COL11A1: variants seen among roughly 807,000 people sequenced by gnomAD.
The protein encoded by COL11A1 is collagen alpha-1(XI) chain.
COL11A1 carries 74 observed loss-of-function variants against 265.2 expected under a neutral mutation model. The ratio of observed to expected loss-of-function variants is 0.28; its 90% CI spans 0.23 to 0.34. The LOEUF (loss-of-function observed/expected upper bound fraction) is 0.34, where lower values mean the gene tolerates loss of function less well. COL11A1 is among the 10% of genes least tolerant of loss of function. COL11A1 has a pLI of 1.00. For synonymous variants in COL11A1, 816 were observed against 727.6 expected (o/e 1.12, Z -1.96); for missense variants, 2,165 against 2,263.6 (o/e 0.96, Z 0.88).
At chr1:102,983,229 A>G (rs1367667520) in intron 31 of COL11A1, among the ~76,000 whole-genome samples, 1 of 152,000 alleles carries the variant, frequency 6.6e-6, no homozygotes, top group East Asian at 1.9e-4. Flanking sequence ...CATATTTTTT[A>G]TGCTTAAAAC....
chr1:102,964,640 G>A (rs998295900), intron 38 of COL11A1, among the ~76,000 whole-genome samples: 13 of 151,606 alleles, frequency 8.6e-5, no homozygotes, highest in African/African-American at 2.9e-4. Context: ...GTGTGTGTCC[G>A]TGTGCGCATG....
intron 20 of COL11A1, 122 bp downstream of exon 20, chr1:103,004,322 T>C: frequency 2.8e-6 from 2 of 711,016 alleles, no homozygotes; most frequent in Non-Finnish European, 4.8e-6. Context: ...GGCAATTATC[T>C]GGTTAGCTTA....
chr1:103,036,274 A>T (rs1668358895), intron 4 of COL11A1, among the ~76,000 whole-genome samples: 1 of 148,814 alleles, frequency 6.7e-6, no homozygotes, highest in Non-Finnish European at 1.5e-5. Flanking sequence ...TATACAAATT[A>T]TAATGAATCA....
intron 46 of COL11A1, among the ~76,000 whole-genome samples, chr1:102,924,231 A>C (rs1656321435): frequency 6.6e-6 from 1 of 152,084 alleles, no homozygotes; most frequent in Non-Finnish European, 1.5e-5. Context: ...CAAAAGACAA[A>C]AAAATTCTTT....
chr1:102,909,969 T>G (rs1302540426), intron 54 of COL11A1, among the ~76,000 whole-genome samples: 1 of 152,006 alleles, frequency 6.6e-6, no homozygotes, highest in East Asian at 1.9e-4. Context: ...TAAATATGAC[T>G]GAAAATATTT....
chr1:102,884,717 C>T (rs1258676360), intron 63 of COL11A1: 2 of 152,222 alleles, frequency 1.3e-5, no homozygotes, highest in Non-Finnish European at 2.9e-5. Flanking sequence ...AGGAATCAGG[C>T]GAGAAGAGAT....
chr1:102,974,918 T>C, intron 35 of COL11A1, 35 bp from the exon 36 acceptor site: 2 of 1,522,890 alleles, frequency 1.3e-6, no homozygotes, highest in Non-Finnish European at 1.8e-6. Context: ...AAGTTAACAA[T>C]ATGCCTTAGA....
Position 103,103,219 on chromosome 1 carries a change from T to A in COL11A1, c.106+4854A>T, listed in dbSNP as rs57818724. The stretch of plus-strand genomic sequence containing the variant: ...ACACACAAGTGTGTCATAATGATTA[T>A]CTGACATTAATAAAAGTCATACTAT... On this transcript the variant is annotated intron_variant, in intron 1 of 66. Transcript: ENST00000370096. Among the ~76,000 whole-genome samples the A allele has an allele frequency of 9.2e-3, 1,395 of 152,180 alleles. 12 individuals carry two copies. Among genetic ancestry groups the A allele is most frequent in the African/African-American group, 0.031 (1,304 of 41,570 alleles).
chr1:102,931,868 A>G (rs1027969285), intron 46 of COL11A1, among the ~76,000 whole-genome samples: 8 of 150,632 alleles, frequency 5.3e-5, no homozygotes, highest in African/African-American at 2.0e-4. Flanking sequence ...GTCTCTTTTG[A>G]TCTTTGTTGG....
At chr1:102,917,958 A>T (rs1186994393) in intron 49 of COL11A1, among the ~76,000 whole-genome samples, 2 of 151,664 alleles carry the variant, frequency 1.3e-5, no homozygotes, top group Non-Finnish European at 3.0e-5. Context: ...ATGTAAAATG[A>T]CAATTAGCTA....
At chr1:102,895,474 G>A (rs1441687512) in intron 57 of COL11A1, among the ~76,000 whole-genome samples, 1 of 152,076 alleles carries the variant, frequency 6.6e-6, no homozygotes, top group Non-Finnish European at 1.5e-5. Flanking sequence ...TCTAGAAGGG[G>A]AAAAGAGACC....
chr1:102,929,085 C>G (rs1657027469), intron 46 of COL11A1, among the ~76,000 whole-genome samples: 3 of 146,718 alleles, frequency 2.0e-5, no homozygotes, highest in African/African-American at 7.6e-5. Flanking sequence ...TGCAGAAGCT[C>G]TTTAGTTTAA....
intron 21 of COL11A1, 74 bp from the exon 22 acceptor site, chr1:103,002,865 T>C (rs1013807147): frequency 8.1e-6 from 11 of 1,356,466 alleles, no homozygotes; most frequent in East Asian, 6.9e-5. Flanking sequence ...AAGACTAATC[T>C]AATATCATGA....
chr1:102,929,851 C>T (rs1030926631), intron 46 of COL11A1, among the ~76,000 whole-genome samples: 1 of 152,144 alleles, frequency 6.6e-6, no homozygotes. Context: ...CTCTTTGAAG[C>T]AATTGTGAAT....
rs563052105 is a variant in COL11A1 at position 102,939,966 on chromosome 1, T to C, written c.3384+361A>G. On this transcript the variant is annotated intron_variant, in intron 43 of 66. Transcript: ENST00000370096. ...TAAATATGTAGCTCATTCTTAAGTC[T>C]TATTGTACAATATCCAAGACATGAG... is the stretch of plus-strand genomic sequence containing the variant. Among the ~76,000 whole-genome samples, 5 of 152,260 alleles carry C rather than the reference T, an allele frequency of 3.3e-5. No homozygotes were observed. In the South Asian group the frequency reaches 1.0e-3, roughly 32 times the overall value.
intron 54 of COL11A1, among the ~76,000 whole-genome samples, chr1:102,909,463 G>T (rs1473362442): frequency 6.6e-6 from 1 of 152,016 alleles, no homozygotes; most frequent in Non-Finnish European, 1.5e-5. Flanking sequence ...ACTAAAAAAG[G>T]ATGCTTCATG....
At chr1:103,029,804 C>G (rs1456558991) in intron 5 of COL11A1, among the ~76,000 whole-genome samples, 1 of 151,866 alleles carries the variant, frequency 6.6e-6, no homozygotes, top group African/African-American at 2.4e-5. Context: ...ATACAAATTA[C>G]CTTGATAAAA....
At chr1:102,978,606 G>A (rs1662727726) in intron 35 of COL11A1, 102 bp downstream of exon 35, 5 of 1,230,142 alleles carry the variant, frequency 4.1e-6, no homozygotes, top group Non-Finnish European at 6.0e-6. Flanking sequence ...TTTGTGGATA[G>A]ACATGCACAT....
rs139064549 is a variant in COL11A1, at chr1:102,888,579, G to C, written c.4606C>G (p.Pro1536Ala). The change falls in exon 62 of 67, where the codon CCA (proline) becomes GCA (alanine). Residue 1536 changes from proline (P) to alanine (A), a missense_variant and splice_region_variant. By Grantham distance (27) the Pro-to-Ala change is conservative. Coordinates refer to ENST00000370096, the MANE Select transcript of COL11A1 (RefSeq NM_001854.4). ...CACTCTTGTTAACATATACTTACTG[G>C]AGACCCAGGAGGCCCTGGAAGACCA... is the stretch of plus-strand genomic sequence containing the variant. ...DSGLPGPPGSPGPPGEVIQPL... is the reference protein window; with the variant it reads ...DSGLPGPPGSAGPPGEVIQPL... 0.013 allele frequency: 20,560 copies of C among 1,612,188 alleles called. 183 individuals are homozygous for C. The highest frequency in any genetic ancestry group is 0.016 in the Non-Finnish European group (18,322 of 1,178,378).
Sources: gnomAD v4.1 joint callset for allele counts (sites outside exome capture counted in the v4.1 genomes callset) on GRCh38, gnomAD v4.1.1 for gene constraint, MANE v1.5 for transcripts, NCBI Gene and HGNC (gene_info 2026-07-23, HGNC 2026-07-21) for gene names.